Variants in SWAP70 observed in about 807,000 individuals in gnomAD.
The protein encoded by SWAP70 is switching B cell complex subunit SWAP70, also known as switch-associated protein 70.
In SWAP70, 34 loss-of-function variants were observed where a neutral mutation model predicts 80.2. The ratio of observed to expected loss-of-function variants is 0.42; its 90% CI spans 0.32 to 0.56. SWAP70 has a LOEUF of 0.56. SWAP70 is among the 20% of genes least tolerant of loss of function. The probability of loss-of-function intolerance (pLI) is 0.09; values close to 1 mark genes in which losing one functional copy is unlikely to be tolerated. For missense variants in SWAP70, 578 were observed against 690.7 expected (o/e 0.84, Z 1.83); for synonymous variants, 239 against 238.5 (o/e 1.00, Z -0.02).
chr11:9,676,647 AG>A (rs1427541166), intron 1 of SWAP70, among the ~76,000 whole-genome samples: 2 of 147,328 alleles, frequency 1.4e-5, no homozygotes, highest in African/African-American at 5.0e-5. Flanking sequence ...GTATAGATGC[AG>A]TTTTTTTTTT....
At chr11:9,680,582 AT>A (rs1850555041) in intron 1 of SWAP70, among the ~76,000 whole-genome samples, 1 of 151,846 alleles carries the variant, frequency 6.6e-6, no homozygotes, top group Admixed American at 6.6e-5. Flanking sequence ...CGCCTGGATA[AT>A]TTTTGTGTTT....
chr11:9,686,391 C>T (rs912259394), intron 1 of SWAP70, among the ~76,000 whole-genome samples: 8 of 69,864 alleles, frequency 1.1e-4, no homozygotes, highest in African/African-American at 3.5e-4. Flanking sequence ...GACAGGTTCT[C>T]GCTCAGTTGC....
intron 2 of SWAP70, among the ~76,000 whole-genome samples, chr11:9,708,321 T>C (rs1850950755): frequency 1.3e-5 from 2 of 152,232 alleles, no homozygotes; most frequent in African/African-American, 4.8e-5. Context: ...TTTCTGGTTT[T>C]TTTGATAGTG....
At chr11:9,686,450 T>A (rs1850634385) in intron 1 of SWAP70, among the ~76,000 whole-genome samples, 1 of 151,984 alleles carries the variant, frequency 6.6e-6, no homozygotes, top group South Asian at 2.1e-4. Context: ...AGCCTCAACC[T>A]CCTGGGCTCA....
At chr11:9,683,717 A>G (rs1347890571) in intron 1 of SWAP70, among the ~76,000 whole-genome samples, 1 of 152,098 alleles carries the variant, frequency 6.6e-6, no homozygotes, top group East Asian at 1.9e-4. Context: ...CCCTTATGGG[A>G]CTCCCACATT....
At chr11:9,703,957 C>G (rs558481750) in intron 2 of SWAP70, among the ~76,000 whole-genome samples, 1 of 152,156 alleles carries the variant, frequency 6.6e-6, no homozygotes, top group Non-Finnish European at 1.5e-5. Flanking sequence ...ATTTTACTTT[C>G]TCCTTCTTGG....
At chr11:9,692,751 T>C (rs1335058341) in intron 1 of SWAP70, among the ~76,000 whole-genome samples, 2 of 152,140 alleles carry the variant, frequency 1.3e-5, no homozygotes, top group African/African-American at 4.8e-5. Context: ...AAATTAAATA[T>C]CTTTTTAAAA....
At chr11:9,682,713 G>A (rs1850582796) in intron 1 of SWAP70, among the ~76,000 whole-genome samples, 1 of 151,888 alleles carries the variant, frequency 6.6e-6, no homozygotes, top group Non-Finnish European at 1.5e-5. Flanking sequence ...GTCTTCGTCT[G>A]TTGCCCACGC....
Position 9,704,987 on chromosome 11 carries a change from C to T in SWAP70, c.241-8479C>T, listed in dbSNP as rs150151586. Among the ~76,000 whole-genome samples the T allele has an allele frequency of 1.2e-4, 18 of 152,030 alleles. No homozygotes were observed. In the Middle Eastern group the frequency reaches 0.01, roughly 86 times the overall value. ...ACAGCAAAGATGATCTGTTCTCTCC[C>T]CTTTGTACACAAATGGTTGATCTGT... On this transcript the variant is annotated intron_variant, in intron 2 of 11. Coordinates refer to ENST00000318950, the MANE Select transcript of SWAP70 (RefSeq NM_015055.4).
chr11:9,700,807 T>G (rs2134455100), intron 2 of SWAP70, among the ~76,000 whole-genome samples: 1 of 152,340 alleles, frequency 6.6e-6, no homozygotes. Context: ...AAAAGCCATT[T>G]TGATTACCTC....
intron 1 of SWAP70, among the ~76,000 whole-genome samples, chr11:9,692,217 AAT>A (rs5789612): frequency 0.66 from 95,715 of 145,098 alleles, 31,993 homozygotes; most frequent in East Asian, 0.81. Context: ...GGCCACTTAA[AAT>A]ATATATATAT....
At chr11:9,736,387 C>A (rs1311087537) in intron 7 of SWAP70, among the ~76,000 whole-genome samples, 1 of 151,028 alleles carries the variant, frequency 6.6e-6, no homozygotes, top group Non-Finnish European at 1.5e-5. Context: ...TGCTTTTTCC[C>A]TGTATATGGG....
chr11:9,730,702 C>T (rs781108884), intron 6 of SWAP70, among the ~76,000 whole-genome samples: 2 of 152,118 alleles, frequency 1.3e-5, no homozygotes, highest in African/African-American at 4.8e-5. Flanking sequence ...TTTTCAAGAT[C>T]CATTACTTCC....
intron 1 of SWAP70, among the ~76,000 whole-genome samples, chr11:9,671,789 T>TAAA (rs1407483235): frequency 1.1e-5 from 1 of 94,468 alleles, no homozygotes; most frequent in African/African-American, 4.2e-5. Context: ...TATATTATTA[T>TAAA]TTATAAATAT....
At chr11:9,668,579 C>T (rs1428399589) in intron 1 of SWAP70, among the ~76,000 whole-genome samples, 5 of 152,192 alleles carry the variant, frequency 3.3e-5, no homozygotes, top group African/African-American at 4.8e-5. Flanking sequence ...TTGATTCATT[C>T]ACTCATACAG....
At chr11:9,704,666 T>A (rs138222572) in intron 2 of SWAP70, among the ~76,000 whole-genome samples, 63 of 152,312 alleles carry the variant, frequency 4.1e-4, no homozygotes, top group African/African-American at 1.4e-3. Context: ...GCGCTGAGAT[T>A]GCAGGCATGA....
chr11:9,698,906 T>C (rs1850795840), intron 2 of SWAP70, among the ~76,000 whole-genome samples: 1 of 152,148 alleles, frequency 6.6e-6, no homozygotes, highest in Admixed American at 6.5e-5. Flanking sequence ...TCCTTATTTG[T>C]GGTTAGAATA....
intron 1 of SWAP70, among the ~76,000 whole-genome samples, chr11:9,673,115 A>G (rs1294628826): frequency 6.6e-6 from 1 of 152,132 alleles, no homozygotes; most frequent in Non-Finnish European, 1.5e-5. Flanking sequence ...GTCAGATCCC[A>G]CAGAGTGTCA....
intron 3 of SWAP70, among the ~76,000 whole-genome samples, chr11:9,723,280 G>A (rs1486409847): frequency 6.6e-6 from 1 of 152,066 alleles, no homozygotes; most frequent in Non-Finnish European, 1.5e-5. Flanking sequence ...TATTTTCACT[G>A]CAACCCATAG....
Sources: allele counts gnomAD v4.1 joint callset (sites outside exome capture counted in the v4.1 genomes callset), GRCh38; gene constraint gnomAD v4.1.1; transcripts MANE v1.5; gene names NCBI Gene and HGNC (gene_info 2026-07-23, HGNC 2026-07-21).